ADGRL3: variants seen among roughly 807,000 people sequenced by gnomAD.
ADGRL3 encodes adhesion G protein-coupled receptor L3.
Under a neutral mutation model 153.5 loss-of-function variants are expected in ADGRL3, and 62 were observed. That is an observed-to-expected ratio of 0.40 (90% confidence interval 0.33 to 0.50). The LOEUF (loss-of-function observed/expected upper bound fraction) is 0.50. Among genes scored for constraint, ADGRL3 ranks in the 20% least tolerant of loss-of-function variants. The pLI is 0.47. For synonymous variants in ADGRL3, 710 were observed against 672.5 expected (o/e 1.06, Z -0.86); for missense variants, 1,641 against 1,859.4 (o/e 0.88, Z 2.16).
chr4:61,793,297 G>A (rs970946888), intron 8 of ADGRL3, among the ~76,000 whole-genome samples: 8 of 152,078 alleles, frequency 5.3e-5, no homozygotes, highest in East Asian at 1.9e-4. Flanking sequence ...GGCGGCGGGC[G>A]CCTGTAGTCC....
At chr4:61,598,413 A>G (rs1341739244) in intron 5 of ADGRL3, among the ~76,000 whole-genome samples, 1 of 152,212 alleles carries the variant, frequency 6.6e-6, no homozygotes, top group Non-Finnish European at 1.5e-5. Context: ...ATACATATCT[A>G]TACATATGTC....
At chr4:61,752,742 G>T (rs891924649) in intron 8 of ADGRL3, among the ~76,000 whole-genome samples, 3 of 152,096 alleles carry the variant, frequency 2.0e-5, no homozygotes, top group African/African-American at 7.2e-5. Context: ...AGTCCAGCCT[G>T]GACAACATGG....
chr4:61,542,517 A>G (rs2098695061), intron 4 of ADGRL3, among the ~76,000 whole-genome samples: 1 of 152,214 alleles, frequency 6.6e-6, no homozygotes, highest in African/African-American at 2.4e-5. Flanking sequence ...GAAGGCTTGC[A>G]TGTATTTTCT....
chr4:61,644,592 G>A (rs372002599), intron 5 of ADGRL3, among the ~76,000 whole-genome samples: 8 of 152,090 alleles, frequency 5.3e-5, no homozygotes, highest in East Asian at 1.9e-4. Flanking sequence ...GTAGTTGAGC[G>A]GTTTTGCGTG....
intron 5 of ADGRL3, among the ~76,000 whole-genome samples, chr4:61,606,086 A>G (rs1050958718): frequency 4.6e-5 from 7 of 152,180 alleles, no homozygotes; most frequent in African/African-American, 7.2e-5. Flanking sequence ...AGAAAATGTC[A>G]TAGAGAGGTT....
chr4:61,398,314 C>A (rs906000682), intron 2 of ADGRL3, among the ~76,000 whole-genome samples: 2 of 151,506 alleles, frequency 1.3e-5, no homozygotes, highest in African/African-American at 4.8e-5. Context: ...TTTTAGTAGA[C>A]CCTTCATTAA....
intron 9 of ADGRL3, among the ~76,000 whole-genome samples, chr4:61,871,174 A>C (rs894430322): frequency 6.6e-6 from 1 of 152,044 alleles, no homozygotes; most frequent in African/African-American, 2.4e-5. Context: ...ACTACTCAGC[A>C]GGCTAAGGCA....
At chr4:61,739,962 G>C (rs1434684600) in intron 8 of ADGRL3, among the ~76,000 whole-genome samples, 1 of 152,186 alleles carries the variant, frequency 6.6e-6, no homozygotes, top group Non-Finnish European at 1.5e-5. Flanking sequence ...TCAACTTGAA[G>C]AAAATGGAAA....
At chr4:61,891,641 C>T (rs2098587158) in intron 9 of ADGRL3, among the ~76,000 whole-genome samples, 1 of 152,116 alleles carries the variant, frequency 6.6e-6, no homozygotes, top group Non-Finnish European at 1.5e-5. Flanking sequence ...GAATTACAAA[C>T]AGCTAGAGAC....
intron 5 of ADGRL3, among the ~76,000 whole-genome samples, chr4:61,628,505 C>T (rs568747535): frequency 1.3e-5 from 2 of 151,160 alleles, no homozygotes; most frequent in African/African-American, 4.8e-5. Flanking sequence ...TGAGCTCATT[C>T]AGCAATTTCA....
chr4:61,729,069 G>C (rs1324723523), intron 6 of ADGRL3, among the ~76,000 whole-genome samples: 3 of 151,794 alleles, frequency 2.0e-5, no homozygotes, highest in Non-Finnish European at 4.4e-5. Flanking sequence ...GGGAGGGAGG[G>C]GGGTGAGGGT....
intron 25 of ADGRL3, among the ~76,000 whole-genome samples, chr4:62,049,309 C>T (rs1004317091): frequency 1.3e-5 from 2 of 152,092 alleles, no homozygotes; most frequent in Admixed American, 1.3e-4. Flanking sequence ...GGAACAATTG[C>T]TTGGCTAGCA....
At chr4:61,367,149 A>G (rs925820008) in intron 1 of ADGRL3, among the ~76,000 whole-genome samples, 1 of 152,200 alleles carries the variant, frequency 6.6e-6, no homozygotes, top group Admixed American at 6.5e-5. Flanking sequence ...GTCTGTTAGG[A>G]ATTTTGCCAA....
At chr4:61,950,859 G>A (rs1013347910) in intron 17 of ADGRL3, among the ~76,000 whole-genome samples, 1 of 152,100 alleles carries the variant, frequency 6.6e-6, no homozygotes, top group Non-Finnish European at 1.5e-5. Context: ...TTCAGCATGG[G>A]GGCTTACAGT....
intron 25 of ADGRL3, among the ~76,000 whole-genome samples, chr4:62,062,850 T>C (rs911289007): frequency 2.0e-5 from 3 of 152,066 alleles, no homozygotes; most frequent in Non-Finnish European, 4.4e-5. Flanking sequence ...AAAAATAGCA[T>C]CTATATGTTT....
At chr4:61,286,408 T>C (rs2093945096) in intron 1 of ADGRL3, among the ~76,000 whole-genome samples, 1 of 151,520 alleles carries the variant, frequency 6.6e-6, no homozygotes, top group Non-Finnish European at 1.5e-5. Context: ...ACATTAGCAG[T>C]GAAATTTTAA....
intron 3 of ADGRL3, among the ~76,000 whole-genome samples, chr4:61,512,431 T>A (rs1361277044): frequency 2.0e-5 from 3 of 152,116 alleles, no homozygotes; most frequent in Non-Finnish European, 4.4e-5. Flanking sequence ...GGAGGCTTCG[T>A]CCATAGGCAT....
At chr4:61,645,887 A>G (rs996007809) in intron 5 of ADGRL3, among the ~76,000 whole-genome samples, 1 of 152,180 alleles carries the variant, frequency 6.6e-6, no homozygotes, top group African/African-American at 2.4e-5. Flanking sequence ...GTGTTTTCCA[A>G]CTTGGTTCCA....
chr4:62,055,041 C>T (rs573254024), intron 25 of ADGRL3, among the ~76,000 whole-genome samples: 1 of 151,778 alleles, frequency 6.6e-6, no homozygotes, highest in East Asian at 1.9e-4. Flanking sequence ...GGTTTGACAG[C>T]ATTTAGGCAA....
Sources: gnomAD v4.1 joint callset for allele counts (sites outside exome capture counted in the v4.1 genomes callset) on GRCh38, gnomAD v4.1.1 for gene constraint, MANE v1.5 for transcripts, NCBI Gene and HGNC (gene_info 2026-07-23, HGNC 2026-07-21) for gene names.